Variants in PIK3R5 observed in about 807,000 individuals in gnomAD.
PIK3R5 encodes phosphoinositide 3-kinase regulatory subunit 5.
Under a neutral mutation model 94.9 loss-of-function variants are expected in PIK3R5, and 32 were observed. That is an observed-to-expected ratio of 0.34 (90% confidence interval 0.25 to 0.45). The LOEUF (loss-of-function observed/expected upper bound fraction) is 0.45, where lower values mean the gene tolerates loss of function less well. Among genes scored for constraint, PIK3R5 ranks in the 20% least tolerant of loss-of-function variants. The probability of loss-of-function intolerance (pLI) is 1.00; values close to 1 mark genes in which losing one functional copy is unlikely to be tolerated. For synonymous variants in PIK3R5, 443 were observed against 479.4 expected (o/e 0.92, Z 0.99); for missense variants, 853 against 1,144.6 (o/e 0.75, Z 3.68).
rs368662805 is a variant in PIK3R5 at position 8,911,527 on chromosome 17, C to G, written c.-13-20G>C. ...CATCGCCTGCATGGGGGACAGACGCCGGTCAGCTTGTCGAGCTCCTTTCCC... is the reference window on the plus strand; with the variant it reads ...CATCGCCTGCATGGGGGACAGACGCGGGTCAGCTTGTCGAGCTCCTTTCCC... On this transcript the variant is annotated intron_variant, in intron 1 of 18. Coordinates refer to ENST00000447110, the MANE Select transcript of PIK3R5 (RefSeq NM_001142633.3). This position sits in a 1 kb window ranked among gnomAD's most constrained non-coding sequence, Gnocchi z 5.3. The G allele has an allele frequency of 4.6e-6, 7 of 1,519,446 alleles. No individual in the cohort carries two copies. The highest frequency in any genetic ancestry group is 1.7e-4 in the Middle Eastern group (1 of 5,846). 94.1% of individuals were successfully genotyped at this position (1,519,446 alleles called of 1,614,324 possible).
At chr17:8,883,213 C>G (rs539314696) in intron 15 of PIK3R5, among the ~76,000 whole-genome samples, 37 of 152,246 alleles carry the variant, frequency 2.4e-4, no homozygotes, top group African/African-American at 8.7e-4. Flanking sequence ...ACTAAAGATA[C>G]AAAAAATTAG....
chr17:8,926,605 C>T (rs2090889142), intron 1 of PIK3R5, among the ~76,000 whole-genome samples: 1 of 152,122 alleles, frequency 6.6e-6, no homozygotes, highest in Non-Finnish European at 1.5e-5. Context: ...CCTGATAGAA[C>T]CATCAAATCA....
intron 1 of PIK3R5, among the ~76,000 whole-genome samples, chr17:8,919,888 CTTTTTTTTTTTTTT>C (rs11290606): frequency 9.3e-6 from 1 of 107,622 alleles, no homozygotes; most frequent in Non-Finnish European, 1.9e-5. Flanking sequence ...CTTTTTCCTT[CTTTTTTTTTTTTTT>C]TTTTTTGGAC....
chr17:8,922,673 A>T (rs537244798), intron 1 of PIK3R5, among the ~76,000 whole-genome samples: 27 of 152,254 alleles, frequency 1.8e-4, no homozygotes, highest in Admixed American at 8.5e-4. Flanking sequence ...TTGGTGATTC[A>T]TTCTCCTTGG....
At chr17:8,930,919 G>A (rs1456108937) in intron 1 of PIK3R5, among the ~76,000 whole-genome samples, 1 of 152,188 alleles carries the variant, frequency 6.6e-6, no homozygotes, top group East Asian at 1.9e-4. Flanking sequence ...GGCAACATGA[G>A]GGATCCTCGT....
rs148625139 is a variant in PIK3R5 at position 8,958,851 on chromosome 17, G to A, written c.-14+6745C>T. Among the ~76,000 whole-genome samples the A allele has an allele frequency of 7.7e-4, 116 of 150,832 alleles. 1 individual carries two copies. The East Asian group carries it at 0.021, about 27-fold the overall frequency. ...TCGGCTCACCACAACCTCCGCCTCCGTGTTCAATCGATTCTCTTGCCTCAG... is the reference window on the plus strand; with the variant it reads ...TCGGCTCACCACAACCTCCGCCTCCATGTTCAATCGATTCTCTTGCCTCAG... On this transcript the variant is annotated intron_variant, in intron 1 of 18. Coordinates refer to ENST00000447110, the MANE Select transcript of PIK3R5 (RefSeq NM_001142633.3).
intron 1 of PIK3R5, chr17:8,912,468 T>A (rs946388635): frequency 6.6e-6 from 1 of 152,250 alleles, no homozygotes; most frequent in African/African-American, 2.4e-5. Context: ...GCTAACCTCA[T>A]GGGGCTCTTG....
chr17:8,891,943 C>T (rs573292414), intron 6 of PIK3R5, among the ~76,000 whole-genome samples: 1 of 152,146 alleles, frequency 6.6e-6, no homozygotes, highest in Non-Finnish European at 1.5e-5. Flanking sequence ...TTAAAAGAAT[C>T]GTGGGCTCTG....
intron 6 of PIK3R5, 116 bp from the exon 7 acceptor site, chr17:8,891,028 C>T (rs2090011456): frequency 1.0e-6 from 1 of 980,054 alleles, no homozygotes; most frequent in South Asian, 1.6e-5. Flanking sequence ...CTCCTCAAGC[C>T]CAGGCAGAGC....
chr17:8,945,975 C>T lies in PIK3R5; in HGVS notation c.-14+19621G>A, dbSNP rs2091263926. ...AAGCCCAAACCACATGGAGAGGCCC[C>T]TTGTAGGCATTCTCATTTACAGTTT... On this transcript the variant is annotated intron_variant, in intron 1 of 18. Transcript: ENST00000447110. The surrounding 1 kb of genome is among the most constrained non-coding windows in gnomAD (Gnocchi z 4.0). Among the ~76,000 whole-genome samples, 1 of 152,168 alleles carries T rather than the reference C, an allele frequency of 6.6e-6. No individual in the cohort carries two copies. The highest frequency in any genetic ancestry group is 1.5e-5 in the Non-Finnish European group (1 of 68,040).
At chr17:8,943,870 C>G (rs1450550299) in intron 1 of PIK3R5, among the ~76,000 whole-genome samples, 1 of 145,610 alleles carries the variant, frequency 6.9e-6, no homozygotes, top group Non-Finnish European at 1.5e-5. Context: ...CTGCTGTACC[C>G]TAGGGAATAT....
intron 1 of PIK3R5, among the ~76,000 whole-genome samples, chr17:8,939,689 T>A (rs2091139389): frequency 6.6e-6 from 1 of 152,174 alleles, no homozygotes; most frequent in Non-Finnish European, 1.5e-5. Context: ...CAGTTACAGG[T>A]GAGTGAAAAT....
intron 5 of PIK3R5, among the ~76,000 whole-genome samples, chr17:8,897,946 G>GTGTGTGTC (rs370006384): frequency 6.6e-6 from 1 of 152,122 alleles, no homozygotes; most frequent in Non-Finnish European, 1.5e-5. Flanking sequence ...TGTGTGTGGT[G>GTGTGTGTC]TGTGTGTCTG....
Position 8,880,702 on chromosome 17 carries a change from G to T in PIK3R5, c.2580C>A (p.Ala860=), listed in dbSNP as rs1322606054. The part of the protein sequence containing the change: ...PQTPPDLPAQ[A]APDLCSLLCL... Reference sequence around the variant, plus strand: ...AGAGAAGGGAGCAGAGATCAGGTGCGGCCTGGGCCGGCAGGTCAGGAGGCG... The same window carrying T: ...AGAGAAGGGAGCAGAGATCAGGTGCTGCCTGGGCCGGCAGGTCAGGAGGCG... The change falls in exon 19 of 19, where the codon GCC becomes GCA. Residue 860 remains alanine (A), a synonymous_variant. Transcript: ENST00000447110. The T allele has an allele frequency of 6.2e-7, 1 of 1,613,922 alleles. No homozygotes were observed. Among genetic ancestry groups the T allele is most frequent in the Admixed American group, 1.7e-5 (1 of 59,986 alleles).
At chr17:8,946,260 G>A (rs2091268544) in intron 1 of PIK3R5, among the ~76,000 whole-genome samples, 1 of 151,820 alleles carries the variant, frequency 6.6e-6, no homozygotes, top group Non-Finnish European at 1.5e-5. Context: ...CGCTTACCGA[G>A]ATCAGGTCAC....
chr17:8,909,898 C>T lies in PIK3R5; in HGVS notation c.104-724G>A, dbSNP rs927362762. ...GCTGGAAGAATACAGAGAGGAGCCACGGTGAGTTCCATCCCAAGACGCAAG... is the reference window on the plus strand; with the variant it reads ...GCTGGAAGAATACAGAGAGGAGCCATGGTGAGTTCCATCCCAAGACGCAAG... On this transcript the variant is annotated intron_variant, in intron 2 of 18. Transcript: ENST00000447110. This position sits in a 1 kb window ranked among gnomAD's most constrained non-coding sequence, Gnocchi z 4.3. 6.6e-5 allele frequency among the ~76,000 whole-genome samples: 10 copies of T among 152,172 alleles called. No individual in the cohort carries two copies. Among genetic ancestry groups the T allele is most frequent in the African/African-American group, 1.9e-4 (8 of 41,432 alleles).
At position 8,881,298 on chromosome 17, in the gene PIK3R5, G is replaced by C. The variant is rs1257569722; in HGVS notation, c.2383-281C>G. 1.3e-5 allele frequency among the ~76,000 whole-genome samples: 2 copies of C among 152,098 alleles called. No individual in the cohort carries two copies. Among genetic ancestry groups the C allele is most frequent in the African/African-American group, 4.8e-5 (2 of 41,402 alleles). On this transcript the variant is annotated intron_variant, in intron 17 of 18. Transcript: ENST00000447110. This position sits in a 1 kb window ranked among gnomAD's most constrained non-coding sequence, Gnocchi z 4.8. ...GAGCAGCCCCAGGTCCCCTGATCCAGAGCCTGCTTTCTTTGGTCTCAGAGT... is the reference window on the plus strand; with the variant it reads ...GAGCAGCCCCAGGTCCCCTGATCCACAGCCTGCTTTCTTTGGTCTCAGAGT...
At chr17:8,907,274 G>A (rs942984539) in intron 3 of PIK3R5, among the ~76,000 whole-genome samples, 7 of 151,588 alleles carry the variant, frequency 4.6e-5, no homozygotes, top group East Asian at 1.9e-4. Flanking sequence ...CTCATGATCC[G>A]CCCGCCTTGG....
rs61761064 is a variant in PIK3R5 at position 8,887,493 on chromosome 17, C to T, written c.1779+28G>A. ...CAGGTAGCCAGAACTCTACTTTCCC[C>T]GACCATTGGCCCAGGCTGGGGACAT... On this transcript the variant is annotated intron_variant, in intron 11 of 18. Coordinates refer to ENST00000447110, the MANE Select transcript of PIK3R5 (RefSeq NM_001142633.3). 4.0e-5 allele frequency: 64 copies of T among 1,583,672 alleles called. 2 individuals are homozygous for T. The African/African-American group carries it at 4.7e-4, about 12-fold the overall frequency.
Sources: gnomAD v4.1 joint callset for allele counts (sites outside exome capture counted in the v4.1 genomes callset) on GRCh38, gnomAD v4.1.1 for gene constraint, Gnocchi (gnomAD v3.1) non-coding constraint, MANE v1.5 for transcripts, NCBI Gene and HGNC (gene_info 2026-07-23, HGNC 2026-07-21) for gene names.